HYDIN: variants seen among roughly 807,000 people sequenced by gnomAD.
HYDIN encodes HYDIN axonemal central pair apparatus protein.
A neutral mutation model predicts 403.9 loss-of-function variants in HYDIN; 132 were observed. The observed-to-expected ratio is 0.33, with a 90% CI of 0.28 to 0.38. The LOEUF (loss-of-function observed/expected upper bound fraction) is 0.38. HYDIN is among the 10% of genes least tolerant of loss of function. HYDIN has a pLI of 1.00. For missense variants in HYDIN, 2,827 were observed against 5,009.5 expected (o/e 0.56, Z 13.15); for synonymous variants, 1,202 against 1,891.7 (o/e 0.64, Z 9.46).
Position 70,810,867 on chromosome 16 carries a change from G to A in HYDIN, c.14659-860C>T, listed in dbSNP as rs530492549. On this transcript the variant is annotated intron_variant, in intron 84 of 85. Coordinates refer to ENST00000393567, the MANE Select transcript of HYDIN (RefSeq NM_001270974.2). ...CCAGAGGTGTAGAGCAATACACATCGAAATGAAAGGTGTTGATGTTGATGA... is the reference window on the plus strand; with the variant it reads ...CCAGAGGTGTAGAGCAATACACATCAAAATGAAAGGTGTTGATGTTGATGA... 3.3e-5 allele frequency among the ~76,000 whole-genome samples: 5 copies of A among 152,150 alleles called. No homozygotes were observed. In the South Asian group the frequency reaches 6.2e-4, roughly 19 times the overall value.
At chr16:71,060,282 G>C (rs1389722049) in intron 18 of HYDIN, among the ~76,000 whole-genome samples, 2 of 152,186 alleles carry the variant, frequency 1.3e-5, no homozygotes, top group Non-Finnish European at 2.9e-5. Flanking sequence ...GACATCCCTT[G>C]AGCTAAGGCA....
intron 1 of HYDIN, among the ~76,000 whole-genome samples, chr16:71,207,765 C>A (rs9935311): frequency 9.2e-5 from 14 of 151,834 alleles, no homozygotes; most frequent in East Asian, 5.8e-4. Context: ...AAAGCAGAGG[C>A]TGCAATACTA....
intron 18 of HYDIN, among the ~76,000 whole-genome samples, chr16:71,044,098 C>CA (rs2081377778): frequency 6.7e-6 from 1 of 149,738 alleles, no homozygotes; most frequent in African/African-American, 2.4e-5. Context: ...GCCCAACTAA[C>CA]AGTTTATTTC....
chr16:71,141,277 CAT>C (rs1017197728), intron 7 of HYDIN, among the ~76,000 whole-genome samples: 1 of 150,162 alleles, frequency 6.7e-6, no homozygotes, highest in Non-Finnish European at 1.5e-5. Flanking sequence ...AGGACAACTT[CAT>C]AGCCATATGA....
chr16:71,174,371 G>A (rs559623407), intron 5 of HYDIN, among the ~76,000 whole-genome samples: 3 of 152,104 alleles, frequency 2.0e-5, no homozygotes, highest in Non-Finnish European at 4.4e-5. Context: ...AGGTACTAGC[G>A]GTGGAGAAGC....
intron 45 of HYDIN, among the ~76,000 whole-genome samples, chr16:70,925,814 A>G (rs1016409876): frequency 6.6e-6 from 1 of 152,072 alleles, no homozygotes; most frequent in Non-Finnish European, 1.5e-5. Context: ...ATGAATAGAC[A>G]CTTCTCAAAA....
chr16:71,195,226 G>A (rs1419097516), intron 1 of HYDIN, among the ~76,000 whole-genome samples: 1 of 151,324 alleles, frequency 6.6e-6, no homozygotes, highest in East Asian at 1.9e-4. Flanking sequence ...AATTGTTACT[G>A]GTGTTATTGT....
chr16:71,150,810 C>G (rs1163099377), intron 7 of HYDIN, among the ~76,000 whole-genome samples: 6 of 152,238 alleles, frequency 3.9e-5, no homozygotes, highest in African/African-American at 1.4e-4. Context: ...ATACATACAT[C>G]TGACAAATGA....
intron 36 of HYDIN, among the ~76,000 whole-genome samples, chr16:70,965,921 T>C (rs3852794): frequency 1.3e-5 from 2 of 152,222 alleles, no homozygotes; most frequent in South Asian, 4.1e-4. Flanking sequence ...GAAAGACACA[T>C]TGACCACTGA....
At chr16:71,143,912 G>A (rs2085268198) in intron 7 of HYDIN, among the ~76,000 whole-genome samples, 2 of 152,264 alleles carry the variant, frequency 1.3e-5, no homozygotes, top group Admixed American at 1.3e-4. Context: ...ATGACTGTGT[G>A]TATATTTAAT....
At chr16:71,089,279 G>A (rs1393559651) in intron 11 of HYDIN, among the ~76,000 whole-genome samples, 3 of 152,154 alleles carry the variant, frequency 2.0e-5, no homozygotes, top group Non-Finnish European at 4.4e-5. Flanking sequence ...CTACAAGGCA[G>A]GCCTCAGTCT....
intron 65 of HYDIN, among the ~76,000 whole-genome samples, chr16:70,871,587 G>A (rs1430132884): frequency 6.6e-6 from 1 of 152,044 alleles, no homozygotes; most frequent in African/African-American, 2.4e-5. Flanking sequence ...ACATGCCAAA[G>A]AGAACCAGGA....
At chr16:70,931,432 T>C (rs905977508) in intron 45 of HYDIN, among the ~76,000 whole-genome samples, 6 of 151,958 alleles carry the variant, frequency 3.9e-5, no homozygotes, top group African/African-American at 1.2e-4. Flanking sequence ...CTAACGTTAG[T>C]GTTGGCTGCT....
chr16:70,822,288 T>C (rs1366330799), intron 83 of HYDIN, among the ~76,000 whole-genome samples: 1 of 152,114 alleles, frequency 6.6e-6, no homozygotes, highest in African/African-American at 2.4e-5. Flanking sequence ...AGGAAGTAAC[T>C]GTAGATGTAG....
intron 18 of HYDIN, among the ~76,000 whole-genome samples, chr16:71,056,313 C>T (rs1258970611): frequency 6.6e-6 from 1 of 152,002 alleles, no homozygotes; most frequent in Non-Finnish European, 1.5e-5. Flanking sequence ...ACTTTTTTTA[C>T]ACTGAAAATA....
chr16:70,967,733 G>A (rs1018786494), intron 36 of HYDIN, among the ~76,000 whole-genome samples: 3 of 152,022 alleles, frequency 2.0e-5, no homozygotes, highest in African/African-American at 4.8e-5. Context: ...TGATCCACCC[G>A]CCTTGGCCTC....
chr16:71,056,469 T>C (rs1224202469), intron 18 of HYDIN, among the ~76,000 whole-genome samples: 1 of 152,164 alleles, frequency 6.6e-6, no homozygotes, highest in Non-Finnish European at 1.5e-5. Flanking sequence ...GTGTCATTTA[T>C]CTTCCAATAT....
intron 41 of HYDIN, among the ~76,000 whole-genome samples, chr16:70,947,875 T>C (rs1258440985): frequency 3.4e-5 from 5 of 148,838 alleles, no homozygotes; most frequent in African/African-American, 1.2e-4. Context: ...AAAATGGCCA[T>C]ACTGCCCAAG....
intron 1 of HYDIN, among the ~76,000 whole-genome samples, chr16:71,227,568 C>T (rs1419316030): frequency 6.6e-6 from 1 of 152,106 alleles, no homozygotes; most frequent in East Asian, 1.9e-4. Flanking sequence ...TTCACAATTG[C>T]TTCAAAGAGA....
Sources: allele counts gnomAD v4.1 joint callset (sites outside exome capture counted in the v4.1 genomes callset), GRCh38; gene constraint gnomAD v4.1.1; transcripts MANE v1.5; gene names NCBI Gene and HGNC (gene_info 2026-07-23, HGNC 2026-07-21).